Variants in ZDHHC20 observed in about 807,000 individuals in gnomAD.
ZDHHC20 encodes the protein zDHHC palmitoyltransferase 20.
In ZDHHC20, 43 loss-of-function variants were observed where a neutral mutation model predicts 57.8. That is an observed-to-expected ratio of 0.74 (90% CI 0.58 to 0.96). The LOEUF is 0.96. ZDHHC20 is among the 40% of genes least tolerant of loss of function. ZDHHC20 has a pLI of 0.00. For synonymous variants in ZDHHC20, 157 were observed against 153.0 expected (o/e 1.03, Z -0.19); for missense variants, 391 against 441.1 (o/e 0.89, Z 1.02).
At chr13:21,434,103 T>C (rs890536239) in intron 1 of ZDHHC20, among the ~76,000 whole-genome samples, 4 of 151,850 alleles carry the variant, frequency 2.6e-5, no homozygotes, top group Non-Finnish European at 5.9e-5. Context: ...TGTGTGTGTG[T>C]GTCTGTGTGT....
chr13:21,404,807 A>G (rs768148209), intron 4 of ZDHHC20, among the ~76,000 whole-genome samples: 4 of 152,140 alleles, frequency 2.6e-5, no homozygotes, highest in Non-Finnish European at 4.4e-5. Context: ...TCCAAAGGGA[A>G]AAGAATATAT....
intron 3 of ZDHHC20, among the ~76,000 whole-genome samples, chr13:21,420,150 G>T (rs1880485867): frequency 6.6e-6 from 1 of 152,158 alleles, no homozygotes; most frequent in South Asian, 2.1e-4. Context: ...AGCCGGGCAT[G>T]GTGATGCGTG....
intron 1 of ZDHHC20, among the ~76,000 whole-genome samples, chr13:21,429,053 C>T (rs1881620959): frequency 1.3e-5 from 2 of 152,102 alleles, no homozygotes; most frequent in Admixed American, 1.3e-4. Flanking sequence ...TGAGGGCTGG[C>T]TATGTCCTAT....
intron 1 of ZDHHC20, among the ~76,000 whole-genome samples, chr13:21,450,148 G>C (rs1884308645): frequency 1.3e-5 from 2 of 152,032 alleles, no homozygotes; most frequent in South Asian, 4.1e-4. Flanking sequence ...AGGAGCAGCA[G>C]GTTCAAGGGA....
chr13:21,388,183 C>G (rs1874934001), intron 8 of ZDHHC20, among the ~76,000 whole-genome samples: 1 of 151,786 alleles, frequency 6.6e-6, no homozygotes, highest in African/African-American at 2.4e-5. Context: ...GAAAGGTGAG[C>G]AAGCTGAGGA....
intron 1 of ZDHHC20, among the ~76,000 whole-genome samples, chr13:21,458,633 A>G (rs575999089): frequency 6.6e-6 from 1 of 152,348 alleles, no homozygotes; most frequent in East Asian, 1.9e-4. Context: ...GTTTGAACAA[A>G]AACAATCCAG....
chr13:21,423,845 C>A lies in ZDHHC20; in HGVS notation c.145+1807G>T, dbSNP rs114783247. Among the ~76,000 whole-genome samples the A allele has an allele frequency of 4.4e-3, 664 of 152,034 alleles. 3 individuals carry two copies. The highest frequency in any genetic ancestry group is 0.015 in the African/African-American group (624 of 41,512). On this transcript the variant is annotated intron_variant, in intron 2 of 12. Coordinates refer to ENST00000400590, the MANE Select transcript of ZDHHC20 (RefSeq NM_001330059.2). ...TGCAATGTTATCTTCACTTTGCTTA[C>A]TTCCTTCATAAATAGTTTTGCCTAG... is the stretch of plus-strand genomic sequence containing the variant.
intron 1 of ZDHHC20, among the ~76,000 whole-genome samples, chr13:21,444,415 A>C (rs1002862349): frequency 6.6e-6 from 1 of 152,220 alleles, no homozygotes; most frequent in African/African-American, 2.4e-5. Flanking sequence ...AATTTTTCAT[A>C]AACTGCAATA....
intron 1 of ZDHHC20, among the ~76,000 whole-genome samples, chr13:21,457,384 TAAG>T (rs1429786220): frequency 1.3e-5 from 2 of 152,068 alleles, no homozygotes; most frequent in Non-Finnish European, 2.9e-5. Context: ...TCAGAGTAAA[TAAG>T]AAGATAAAGG....
chr13:21,377,353 A>G (rs1872326167), intron 12 of ZDHHC20: 1 of 168,640 alleles, frequency 5.9e-6, no homozygotes, highest in Non-Finnish European at 1.1e-5. Context: ...AGTGCCTGCG[A>G]TCTGACTCTG....
At chr13:21,445,555 T>C (rs1883604961) in intron 1 of ZDHHC20, among the ~76,000 whole-genome samples, 1 of 152,226 alleles carries the variant, frequency 6.6e-6, no homozygotes, top group African/African-American at 2.4e-5. Flanking sequence ...GAACAGGCTA[T>C]CTGAAATCCA....
intron 7 of ZDHHC20, among the ~76,000 whole-genome samples, chr13:21,398,551 C>T (rs1051324446): frequency 1.3e-5 from 2 of 151,770 alleles, no homozygotes; most frequent in African/African-American, 2.4e-5. Flanking sequence ...CAAATAAATA[C>T]ATACATGGCA....
intron 1 of ZDHHC20, among the ~76,000 whole-genome samples, chr13:21,448,831 A>C (rs1438852470): frequency 1.3e-4 from 12 of 89,400 alleles, no homozygotes; most frequent in Non-Finnish European, 2.6e-4. Flanking sequence ...GTCTGTGTAG[A>C]AAGAAGTAGA....
Position 21,375,010 on chromosome 13 carries a change from T to C in ZDHHC20, c.*1686A>G. On this transcript the variant is annotated 3_prime_UTR_variant, in exon 13 of 13. Coordinates refer to ENST00000400590, the MANE Select transcript of ZDHHC20 (RefSeq NM_001330059.2). ...TTAGCCGGGCATGGTGGCATGAGCC[T>C]GTAATCCCAGCTACTTGGGAGGCTG... 1 of 402,712 alleles carries C rather than the reference T, an allele frequency of 2.5e-6. No homozygotes were observed. Among genetic ancestry groups the C allele is most frequent in the Non-Finnish European group, 4.9e-6 (1 of 205,518 alleles). 24.9% of individuals were successfully genotyped at this position (402,712 alleles called of 1,614,324 possible).
At position 21,436,570 on chromosome 13, in the gene ZDHHC20, C is replaced by A. The variant is rs1360413727; in HGVS notation, c.119-10892G>T. Among the ~76,000 whole-genome samples, 5 of 152,184 alleles carry A rather than the reference C, an allele frequency of 3.3e-5. No individual in the cohort carries two copies. The South Asian group carries it at 8.3e-4, about 25-fold the overall frequency. On this transcript the variant is annotated intron_variant, in intron 1 of 12. Coordinates refer to ENST00000400590, the MANE Select transcript of ZDHHC20 (RefSeq NM_001330059.2). ...TATTGTAATTGTTTTGGAGTACCAC[C>A]AACTGCATCCATATACGATGGAAAA...
chr13:21,443,075 T>C (rs1178145625), intron 1 of ZDHHC20, among the ~76,000 whole-genome samples: 5 of 152,262 alleles, frequency 3.3e-5, no homozygotes, highest in Admixed American at 6.5e-5. Context: ...ATTTGCTAGA[T>C]GGACAGTGCA....
At chr13:21,412,991 A>G (rs1252535228) in intron 4 of ZDHHC20, among the ~76,000 whole-genome samples, 20 of 136,528 alleles carry the variant, frequency 1.5e-4, no homozygotes, top group Middle Eastern at 3.9e-3. Context: ...AAAAAAAAAA[A>G]CAATTTCCCA....
intron 1 of ZDHHC20, among the ~76,000 whole-genome samples, chr13:21,430,508 C>G (rs1881787641): frequency 6.6e-6 from 1 of 151,798 alleles, no homozygotes; most frequent in African/African-American, 2.4e-5. Flanking sequence ...GGAAGAGACA[C>G]AGGAGGGGGG....
chr13:21,421,230 A>C, intron 2 of ZDHHC20, 66 bp from the exon 3 acceptor site: 1 of 1,293,386 alleles, frequency 7.7e-7, no homozygotes, highest in Non-Finnish European at 1.1e-6. Flanking sequence ...CATTACATTA[A>C]AACACAATAA....
Sources: allele counts gnomAD v4.1 joint callset (sites outside exome capture counted in the v4.1 genomes callset), GRCh38; gene constraint gnomAD v4.1.1; transcripts MANE v1.5; gene names NCBI Gene and HGNC (gene_info 2026-07-23, HGNC 2026-07-21).